The following CAMTA1 variants were observed in gnomAD, a reference collection of about 807,000 sequenced individuals.
CAMTA1 encodes calmodulin-binding transcription activator 1.
A neutral mutation model predicts 170.9 loss-of-function variants in CAMTA1; 27 were observed. That is an observed-to-expected ratio of 0.16 (90% CI 0.12 to 0.22). The LOEUF is 0.22. Ranked by LOEUF, CAMTA1 falls within the 10% of genes least tolerant of loss-of-function variation. The pLI is 1.00. For missense variants in CAMTA1, 1,619 were observed against 2,217.2 expected (o/e 0.73, Z 5.42); for synonymous variants, 833 against 891.5 (o/e 0.93, Z 1.17).
At chr1:7,462,204 C>T (rs1575456474) in intron 5 of CAMTA1, among the ~76,000 whole-genome samples, 1 of 151,692 alleles carries the variant, frequency 6.6e-6, no homozygotes, top group African/African-American at 2.4e-5. Flanking sequence ...CTCGGCTCAC[C>T]ACAACCTCCG....
chr1:6,872,030 G>GTGT (rs1668539887), intron 3 of CAMTA1: 1 of 1,103,224 alleles, frequency 9.1e-7, no homozygotes, highest in Admixed American at 4.2e-5. Flanking sequence ...AGTGTAATCT[G>GTGT]TGTTTTCATC....
chr1:6,905,616 C>T (rs1295431003), intron 3 of CAMTA1, among the ~76,000 whole-genome samples: 1 of 152,188 alleles, frequency 6.6e-6, no homozygotes, highest in Non-Finnish European at 1.5e-5. Context: ...TCCCTTGGCC[C>T]TTCTGCACTT....
At chr1:7,540,931 T>A (rs1231724558) in intron 6 of CAMTA1, among the ~76,000 whole-genome samples, 1 of 152,220 alleles carries the variant, frequency 6.6e-6, no homozygotes, top group African/African-American at 2.4e-5. Flanking sequence ...GAAGAGGTCA[T>A]TGGTCTTTAG....
At position 7,580,599 on chromosome 1, in the gene CAMTA1, G is replaced by A. The variant is rs889115072; in HGVS notation, c.511-59801G>A. Among the ~76,000 whole-genome samples the A allele has an allele frequency of 6.6e-6, 1 of 151,970 alleles. No homozygotes were observed. Among genetic ancestry groups the A allele is most frequent in the African/African-American group, 2.4e-5 (1 of 41,356 alleles). ...AAGTGCCAAGCCCTCCCACGTTTGG[G>A]GACAGCCGTGTCAGAGACTGATAAT... On this transcript the variant is annotated intron_variant, in intron 6 of 22. Transcript: ENST00000303635. The surrounding 1 kb of genome is among the most constrained non-coding windows in gnomAD (Gnocchi z 4.3).
chr1:7,726,674 T>C (rs745592471), intron 11 of CAMTA1, among the ~76,000 whole-genome samples: 22 of 152,246 alleles, frequency 1.4e-4, no homozygotes, highest in Non-Finnish European at 2.6e-4. Flanking sequence ...ACCTCTTTTC[T>C]GTACCCTTGC....
rs566600725 is a variant in CAMTA1 at position 7,532,121 on chromosome 1, C to G, written c.510+64220C>G. On this transcript the variant is annotated intron_variant, in intron 6 of 22. Coordinates refer to ENST00000303635, the MANE Select transcript of CAMTA1 (RefSeq NM_015215.4). The surrounding 1 kb of genome is among the most constrained non-coding windows in gnomAD (Gnocchi z 4.2). ...AAGGAGGCAGGTGACTCCAGCGGTA[C>G]CTGGAGGCTCCCGGGCCCACCCGAG... Among the ~76,000 whole-genome samples, 3 of 152,072 alleles carry G rather than the reference C, an allele frequency of 2.0e-5. No individual in the cohort carries two copies. The highest frequency in any genetic ancestry group is 2.1e-4 in the South Asian group (1 of 4,818).
chr1:7,338,162 G>A (rs2083535094), intron 5 of CAMTA1, among the ~76,000 whole-genome samples: 1 of 151,984 alleles, frequency 6.6e-6, no homozygotes. Flanking sequence ...TGGGGCTTCT[G>A]CTCTTGACAC....
At chr1:7,520,761 G>T (rs1365538648) in intron 6 of CAMTA1, among the ~76,000 whole-genome samples, 7 of 152,176 alleles carry the variant, frequency 4.6e-5, no homozygotes, top group African/African-American at 1.7e-4. Context: ...CGTGCATCTT[G>T]CTGTGGAATG....
At chr1:7,747,663 G>A in intron 18 of CAMTA1, 47 bp from the exon 19 acceptor site, 1 of 1,331,024 alleles carries the variant, frequency 7.5e-7, no homozygotes, top group South Asian at 1.3e-5. Flanking sequence ...TGACATTTCT[G>A]GTAGTTAATC....
intron 5 of CAMTA1, among the ~76,000 whole-genome samples, chr1:7,350,340 A>C (rs1459996543): frequency 6.6e-6 from 1 of 152,130 alleles, no homozygotes; most frequent in Non-Finnish European, 1.5e-5. Flanking sequence ...TCCTGCCCCT[A>C]TACCCGCCAG....
intron 6 of CAMTA1, among the ~76,000 whole-genome samples, chr1:7,636,339 G>T (rs1340522042): frequency 6.6e-6 from 1 of 152,200 alleles, no homozygotes; most frequent in Non-Finnish European, 1.5e-5. Flanking sequence ...CCTGCGTCAG[G>T]CTCTCAAAGA....
Position 7,732,965 on chromosome 1 carries a change from G to A in CAMTA1, c.3066+366G>A, listed in dbSNP as rs533086104. Among the ~76,000 whole-genome samples, 3 of 152,250 alleles carry A rather than the reference G, an allele frequency of 2.0e-5. No individual in the cohort carries two copies. The highest frequency in any genetic ancestry group is 2.9e-5 in the Non-Finnish European group (2 of 68,010). ...TCCCAGCGCTGTAGGAGGCCAAGAC[G>A]GGAGGATTGCTTGAGCCCAGGAGTT... On this transcript the variant is annotated intron_variant, in intron 12 of 22. Transcript: ENST00000303635. This position sits in a 1 kb window ranked among gnomAD's most constrained non-coding sequence, Gnocchi z 4.1.
intron 5 of CAMTA1, among the ~76,000 whole-genome samples, chr1:7,309,648 C>A (rs958635367): frequency 6.6e-6 from 1 of 151,948 alleles, no homozygotes; most frequent in African/African-American, 2.4e-5. Context: ...TCTTTCCTGC[C>A]GCCTTTTATG....
chr1:7,471,532 G>A (rs1433692077), intron 6 of CAMTA1, among the ~76,000 whole-genome samples: 1 of 152,210 alleles, frequency 6.6e-6, no homozygotes, highest in Non-Finnish European at 1.5e-5. Flanking sequence ...ACAGCTGACA[G>A]GGCCTTCAGG....
At chr1:7,061,033 A>T (rs1042091951) in intron 3 of CAMTA1, among the ~76,000 whole-genome samples, 1 of 152,064 alleles carries the variant, frequency 6.6e-6, no homozygotes, top group African/African-American at 2.4e-5. Flanking sequence ...TCAGAGCTTC[A>T]TGAGGTCGCT....
At chr1:6,807,072 G>C (rs1452025653) in intron 1 of CAMTA1, 5 of 657,514 alleles carry the variant, frequency 7.6e-6, no homozygotes, top group Non-Finnish European at 1.1e-5. Context: ...TTTCAGCTGG[G>C]ACTCAGTGCT....
chr1:7,559,960 G>C (rs970671305), intron 6 of CAMTA1, among the ~76,000 whole-genome samples: 1 of 152,202 alleles, frequency 6.6e-6, no homozygotes, highest in Non-Finnish European at 1.5e-5. Flanking sequence ...GTTCTCTGCT[G>C]TTCTTAGGAA....
intron 19 of CAMTA1, 56 bp from the exon 20 acceptor site, chr1:7,751,143 C>T: frequency 7.2e-7 from 1 of 1,388,728 alleles, no homozygotes; most frequent in Non-Finnish European, 9.9e-7. Context: ...TCGAAGGACG[C>T]TGAGCCCGTG....
intron 22 of CAMTA1, 54 bp from the exon 23 acceptor site, chr1:7,766,405 G>T (rs1331826493): frequency 2.5e-6 from 4 of 1,582,326 alleles, no homozygotes; most frequent in Non-Finnish European, 3.5e-6. Flanking sequence ...CCTTTACTTG[G>T]TCACAATTCA....
Sources: gnomAD v4.1 joint callset for allele counts (sites outside exome capture counted in the v4.1 genomes callset) on GRCh38, gnomAD v4.1.1 for gene constraint, Gnocchi (gnomAD v3.1) non-coding constraint, MANE v1.5 for transcripts, NCBI Gene and HGNC (gene_info 2026-07-23, HGNC 2026-07-21) for gene names.